OR1D2: variants seen among roughly 807,000 people sequenced by gnomAD.
The protein encoded by OR1D2 is olfactory receptor family 1 subfamily D member 2, also known as olfactory receptor 1D2.
For missense variants in OR1D2, 357 were observed against 376.1 expected (o/e 0.95, Z 0.42); for synonymous variants, 157 against 153.9 (o/e 1.02, Z -0.15).
At chr17:3,095,578 A>G (rs1208784426) in intron 1 of OR1D2, among the ~76,000 whole-genome samples, 2 of 152,066 alleles carry the variant, frequency 1.3e-5, no homozygotes, top group Non-Finnish European at 2.9e-5. Context: ...CAAAAAGGAA[A>G]GAACAGTGAT....
chr17:3,097,457 C>G (rs1215494332), intron 1 of OR1D2, among the ~76,000 whole-genome samples: 1 of 152,066 alleles, frequency 6.6e-6, no homozygotes, highest in Non-Finnish European at 1.5e-5. Flanking sequence ...AATACGAGTC[C>G]CCACCCCCAA....
At chr17:3,101,386 A>T (rs747126642) in intron 1 of OR1D2, among the ~76,000 whole-genome samples, 1 of 151,794 alleles carries the variant, frequency 6.6e-6, no homozygotes, top group African/African-American at 2.4e-5. Flanking sequence ...ATCAATAAAC[A>T]TAATCCATTA....
chr17:3,097,208 G>A (rs976226896), intron 1 of OR1D2, among the ~76,000 whole-genome samples: 1 of 152,134 alleles, frequency 6.6e-6, no homozygotes, highest in African/African-American at 2.4e-5. Context: ...AGTCTCGAAT[G>A]ATCTTTTCTA....
At chr17:3,097,141 G>T (rs1327147403) in intron 1 of OR1D2, among the ~76,000 whole-genome samples, 1 of 152,168 alleles carries the variant, frequency 6.6e-6, no homozygotes, top group African/African-American at 2.4e-5. Flanking sequence ...GGTTCTTCCA[G>T]GAATTTATCC....
intron 1 of OR1D2, among the ~76,000 whole-genome samples, chr17:3,102,083 A>G (rs972641518): frequency 6.6e-5 from 10 of 152,240 alleles, no homozygotes; most frequent in African/African-American, 2.4e-4. Context: ...TTATTACTGT[A>G]CATATTATTG....
rs1375419057 is a variant in OR1D2, at chr17:3,091,447, T to A, written c.*611A>T. On this transcript the variant is annotated 3_prime_UTR_variant, in exon 2 of 2. Transcript: ENST00000641833. ...ATGTTGAACATTACTTTTTAATTGA[T>A]GAGTTAGGTCCATTTATGTTTAATG... 1 of 152,322 alleles carries A rather than the reference T, an allele frequency of 6.6e-6. No homozygotes were observed. Among genetic ancestry groups the A allele is most frequent in the Non-Finnish European group, 1.5e-5 (1 of 68,130 alleles). The allele number at this position is 152,322 out of a possible 1,614,324, so 9.4% of individuals were successfully genotyped here.
Position 3,104,089 on chromosome 17 carries a change from A to G in OR1D2, c.-51+10T>C, listed in dbSNP as rs2047886305. ...GAGGGAGAAAGAGCATGAGGCTGAGATGTACAGACCTTACCCACTGCTCTG... is the reference window on the plus strand; with the variant it reads ...GAGGGAGAAAGAGCATGAGGCTGAGGTGTACAGACCTTACCCACTGCTCTG... On this transcript the variant is annotated intron_variant, in intron 1 of 1. Coordinates refer to ENST00000641833, the MANE Select transcript of OR1D2 (RefSeq NM_002548.3). 6.6e-6 allele frequency: 1 copy of G among 152,176 alleles called. No individual in the cohort carries two copies. The highest frequency in any genetic ancestry group is 1.9e-4 in the East Asian group (1 of 5,178). 9.4% of individuals were successfully genotyped at this position (152,176 alleles called of 1,614,324 possible). A position where few individuals can be genotyped will look rare whatever the true frequency, so the allele number is the denominator to read the frequency against.
At chr17:3,100,722 A>G (rs1342334851) in intron 1 of OR1D2, among the ~76,000 whole-genome samples, 1 of 152,182 alleles carries the variant, frequency 6.6e-6, no homozygotes, top group African/African-American at 2.4e-5. Flanking sequence ...CAAAAAATCA[A>G]TAAATACAAA....
intron 1 of OR1D2, among the ~76,000 whole-genome samples, chr17:3,101,670 G>A (rs1424166707): frequency 6.6e-6 from 1 of 151,998 alleles, no homozygotes; most frequent in Non-Finnish European, 1.5e-5. Flanking sequence ...TTCTGGCCAG[G>A]GCAATCAGGC....
chr17:3,098,141 G>T (rs934932028), intron 1 of OR1D2, among the ~76,000 whole-genome samples: 1 of 152,192 alleles, frequency 6.6e-6, no homozygotes, highest in African/African-American at 2.4e-5. Context: ...GTTTCCCCTA[G>T]TGAAGCGCAC....
In OR1D2 at chr17:3,092,596, G is replaced by C. The variant is rs1275663438; in HGVS notation, c.401C>G (p.Thr134Arg). The C allele has an allele frequency of 6.2e-7, 1 of 1,614,154 alleles. No homozygotes were observed. The highest frequency in any genetic ancestry group is 1.1e-5 in the South Asian group (1 of 91,086). Residue 134 changes from threonine to arginine, a missense_variant, in exon 2 of 2, where the codon ACA becomes AGA. Coordinates refer to ENST00000641833, the MANE Select transcript of OR1D2 (RefSeq NM_002548.3). ...VAICCPLHYT[T>R]AMSPKLCILL... is the part of the protein sequence containing the mutation. Reference sequence around the variant, plus strand: ...GATACAGAGCTTAGGGCTCATGGCTGTGGTGTAGTGGAGGGGGCAGCAGAT... The same window carrying C: ...GATACAGAGCTTAGGGCTCATGGCTCTGGTGTAGTGGAGGGGGCAGCAGAT...
At position 3,089,173 on chromosome 17, in the gene OR1D2, C is replaced by T. The variant is rs1022440404; in HGVS notation, c.*2885G>A. On this transcript the variant is annotated 3_prime_UTR_variant, in exon 2 of 2. Transcript: ENST00000641833. ...TCAGATTGTTTTTGTCCATGGGATC[C>T]CCCCTTGATATGGGGCTCTACCCCA... The T allele has an allele frequency of 5.9e-5, 9 of 152,272 alleles. No individual in the cohort carries two copies. Among genetic ancestry groups the T allele is most frequent in the African/African-American group, 2.2e-4 (9 of 41,570 alleles). The allele number at this position is 152,272 out of a possible 1,614,324, so 9.4% of individuals were successfully genotyped here. A position where few individuals can be genotyped will look rare whatever the true frequency, so the allele number is the denominator to read the frequency against.
In OR1D2 at chr17:3,091,464, T is replaced by C. The variant is rs1192385812; in HGVS notation, c.*594A>G. ...TTAATTGATGAGTTAGGTCCATTTA[T>C]GTTTAATGTAAATTTATGTACTTCC... is the stretch of plus-strand genomic sequence containing the variant. On this transcript the variant is annotated 3_prime_UTR_variant, in exon 2 of 2. Coordinates refer to ENST00000641833, the MANE Select transcript of OR1D2 (RefSeq NM_002548.3). 6.6e-6 allele frequency: 1 copy of C among 152,566 alleles called. No homozygotes were observed. Among genetic ancestry groups the C allele is most frequent in the African/African-American group, 2.4e-5 (1 of 41,460 alleles). The allele number at this position is 152,566 out of a possible 1,614,324, so 9.5% of individuals were successfully genotyped here. A position where few individuals can be genotyped will look rare whatever the true frequency, so the allele number is the denominator to read the frequency against.
chr17:3,098,264 C>A (rs12452546), intron 1 of OR1D2, among the ~76,000 whole-genome samples: 2 of 152,154 alleles, frequency 1.3e-5, no homozygotes, highest in Non-Finnish European at 2.9e-5. Context: ...CAGGAGTGAA[C>A]CTACTCGTAT....
At chr17:3,102,348 G>A (rs112498677) in intron 1 of OR1D2, among the ~76,000 whole-genome samples, 5 of 152,188 alleles carry the variant, frequency 3.3e-5, no homozygotes, top group African/African-American at 7.2e-5. Context: ...AGATGTCCAC[G>A]GTAGGTGGCA....
At chr17:3,097,822 A>C (rs2047853799) in intron 1 of OR1D2, among the ~76,000 whole-genome samples, 1 of 152,136 alleles carries the variant, frequency 6.6e-6, no homozygotes, top group Non-Finnish European at 1.5e-5. Context: ...GCTCCAGCCC[A>C]CACTTTTCCC....
intron 1 of OR1D2, among the ~76,000 whole-genome samples, chr17:3,100,729 C>A (rs931386731): frequency 6.6e-6 from 1 of 152,010 alleles, no homozygotes; most frequent in Non-Finnish European, 1.5e-5. Context: ...TCAATAAATA[C>A]AAAAGCTGGT....
intron 1 of OR1D2, among the ~76,000 whole-genome samples, chr17:3,102,019 T>C (rs561478304): frequency 1.2e-3 from 176 of 152,308 alleles, no homozygotes; most frequent in African/African-American, 3.9e-3. Flanking sequence ...TATTCATGTA[T>C]CAAAATATCA....
intron 1 of OR1D2, among the ~76,000 whole-genome samples, chr17:3,098,889 G>A (rs1283136059): frequency 6.6e-6 from 1 of 152,092 alleles, no homozygotes; most frequent in Non-Finnish European, 1.5e-5. Context: ...GCATGCACAA[G>A]TATCACCAGC....
Sources: allele counts gnomAD v4.1 joint callset (sites outside exome capture counted in the v4.1 genomes callset), GRCh38; gene constraint gnomAD v4.1.1; transcripts MANE v1.5; gene names NCBI Gene and HGNC (gene_info 2026-07-23, HGNC 2026-07-21).